CNIH2: variants seen among roughly 807,000 people sequenced by gnomAD.
CNIH2 encodes protein cornichon homolog 2.
A neutral mutation model predicts 22.9 loss-of-function variants in CNIH2; 8 were observed. That is an observed-to-expected ratio of 0.35 (90% CI 0.20 to 0.63). The LOEUF is 0.63. Among genes scored for constraint, CNIH2 ranks in the 30% least tolerant of loss-of-function variants. The pLI, the probability that CNIH2 is intolerant of heterozygous loss-of-function variation, is 0.72. For synonymous variants in CNIH2, 74 were observed against 78.2 expected, an observed-to-expected ratio of 0.95 and a Z score of 0.28; for missense variants, 105 against 206.2, an observed-to-expected ratio of 0.51 and a Z score of 3.01.
intron 1 of CNIH2, among the ~76,000 whole-genome samples, chr11:66,279,158 C>T (rs1446726295): frequency 5.3e-5 from 8 of 151,460 alleles, no homozygotes; most frequent in African/African-American, 1.9e-4. Context: ...CCCAGGTTTC[C>T]TCTCCATTTT....
chr11:66,283,229 A>G lies in CNIH2; in HGVS notation c.312-19A>G, dbSNP rs761174719. 3.1e-6 allele frequency: 5 copies of G among 1,613,696 alleles called. No individual in the cohort carries two copies. In the African/African-American group the frequency reaches 5.3e-5, roughly 17 times the overall value. On this transcript the variant is annotated intron_variant, in intron 4 of 5. Transcript: ENST00000311445. The stretch of plus-strand genomic sequence containing the variant: ...GTGGGAGTCCTGATGGCAGACACTC[A>G]GGCCCCTGTCTGCCCCAGGTACTTC...
At position 66,281,393 on chromosome 11, in the gene CNIH2, T is replaced by C. The variant is rs1232543316; in HGVS notation, c.82-866T>C. On this transcript the variant is annotated intron_variant, in intron 1 of 5. Transcript: ENST00000311445. ...AGTCATAAGGTTGTTAAGAATTAAATGAGTGAATCCACATACCGGCCAGGA... is the reference window on the plus strand; with the variant it reads ...AGTCATAAGGTTGTTAAGAATTAAACGAGTGAATCCACATACCGGCCAGGA... The C allele has an allele frequency of 6.6e-6, 3 of 456,290 alleles. No individual in the cohort carries two copies. The Admixed American group carries it at 7.0e-5, about 11-fold the overall frequency. 28.3% of individuals were successfully genotyped at this position (456,290 alleles called of 1,614,324 possible). A position where few individuals can be genotyped will look rare whatever the true frequency, so the allele number is the denominator to read the frequency against.
intron 1 of CNIH2, 51 bp from the exon 2 acceptor site, chr11:66,282,208 A>G (rs1365142083): frequency 1.3e-6 from 2 of 1,486,346 alleles, no homozygotes; most frequent in Non-Finnish European, 1.9e-6. Flanking sequence ...GACTTGGGGG[A>G]AGGCCATAAG....
At chr11:66,282,626 G>A in intron 2 of CNIH2, 107 bp from the exon 3 acceptor site, 3 of 1,347,738 alleles carry the variant, frequency 2.2e-6, no homozygotes, top group Non-Finnish European at 3.1e-6. Flanking sequence ...CGACAGTGCC[G>A]CAGAGATCGC....
intron 5 of CNIH2, 54 bp from the exon 6 acceptor site, chr11:66,283,516 A>G: frequency 6.2e-7 from 1 of 1,607,596 alleles, no homozygotes; most frequent in Non-Finnish European, 8.5e-7. Flanking sequence ...CCAGGTGGGC[A>G]TCTGGGTGGC....
intron 2 of CNIH2, 126 bp from the exon 3 acceptor site, chr11:66,282,607 C>T (rs531995102): frequency 3.5e-5 from 41 of 1,178,962 alleles, no homozygotes; most frequent in East Asian, 2.7e-4. Flanking sequence ...GGCTGCTTCC[C>T]GGCCGTGCCG....
Position 66,283,676 on chromosome 11 carries a change from GCCT to G in CNIH2, c.*81_*83del. ...CCAGCCCTGCCCCTTGGCCGCAGAG[GCCT>G]CAGCCCTGGGGAGGGAGGGGGCACT... On this transcript the variant is annotated 3_prime_UTR_variant, in exon 6 of 6. Transcript: ENST00000311445. The G allele has an allele frequency of 6.7e-7, 1 of 1,503,288 alleles. No homozygotes were observed. The highest frequency in any genetic ancestry group is 9.0e-7 in the Non-Finnish European group (1 of 1,108,874). The allele number at this position is 1,503,288 out of a possible 1,614,324, so 93.1% of individuals were successfully genotyped here.
Position 66,278,549 on chromosome 11 carries a change from C to A in CNIH2, c.81+12C>A, listed in dbSNP as rs1857199260. On this transcript the variant is annotated intron_variant, in intron 1 of 5. Transcript: ENST00000311445. ...TTGTCATCTGGCACGTAAGGCCGGG[C>A]TGGGGCTGGGGCTGGGGGCGGGGTG... 1 of 454,550 alleles carries A rather than the reference C, an allele frequency of 2.2e-6. No homozygotes were observed. The highest frequency in any genetic ancestry group is 2.3e-5 in the African/African-American group (1 of 42,856). The allele number at this position is 454,550 out of a possible 1,614,324, so 28.2% of individuals were successfully genotyped here. A position where few individuals can be genotyped will look rare whatever the true frequency, so the allele number is the denominator to read the frequency against.
At chr11:66,281,067 C>A (rs368526720) in intron 1 of CNIH2, among the ~76,000 whole-genome samples, 3 of 152,196 alleles carry the variant, frequency 2.0e-5, no homozygotes, top group Admixed American at 1.3e-4. Context: ...AGATTTCTGC[C>A]TTCACTTCTC....
At chr11:66,280,810 C>T (rs1311042112) in intron 1 of CNIH2, among the ~76,000 whole-genome samples, 3 of 152,094 alleles carry the variant, frequency 2.0e-5, no homozygotes, top group African/African-American at 2.4e-5. Context: ...CTCCAGGAAG[C>T]CCATGTTCTT....
At chr11:66,282,443 C>G in intron 2 of CNIH2, 116 bp downstream of exon 2, 1 of 1,150,302 alleles carries the variant, frequency 8.7e-7, no homozygotes, top group East Asian at 2.6e-5. Context: ...ACGGCCATGC[C>G]CCCTTCCTCT....
At position 66,283,211 on chromosome 11, in the gene CNIH2, TCCTGATGGCAGACACTCAGGC is replaced by T; in HGVS notation, c.312-34_312-14del. 1 of 1,612,990 alleles carries T rather than the reference TCCTGATGGCAGACACTCAGGC, an allele frequency of 6.2e-7. No homozygotes were observed. The highest frequency in any genetic ancestry group is 1.1e-5 in the South Asian group (1 of 91,042). ...AACAGGGGCAGGATGGGGGTGGGAG[TCCTGATGGCAGACACTCAGGC>T]CCCTGTCTGCCCCAGGTACTTCCAC... On this transcript the variant is annotated splice_polypyrimidine_tract_variant and intron_variant, in intron 4 of 5. Coordinates refer to ENST00000311445, the MANE Select transcript of CNIH2 (RefSeq NM_182553.3).
At position 66,283,748 on chromosome 11, in the gene CNIH2, A is replaced by C. The variant is rs1857301293; in HGVS notation, c.*151A>C. On this transcript the variant is annotated 3_prime_UTR_variant, in exon 6 of 6. Coordinates refer to ENST00000311445, the MANE Select transcript of CNIH2 (RefSeq NM_182553.3). ...AACCCCCAAACTGCTGCTGCGGGGA[A>C]CCCCCCCCACCCCGCCTTCAGAGCC... 18 of 746,568 alleles carry C rather than the reference A, an allele frequency of 2.4e-5. No homozygotes were observed. Among genetic ancestry groups the C allele is most frequent in the Admixed American group, 1.4e-4 (5 of 34,948 alleles). The allele number at this position is 746,568 out of a possible 1,614,324, so 46.2% of individuals were successfully genotyped here. A position where few individuals can be genotyped will look rare whatever the true frequency, so the allele number is the denominator to read the frequency against.
intron 2 of CNIH2, 96 bp downstream of exon 2, chr11:66,282,423 T>TGGGGGTTTGGGGGGGGGGGGGGG: frequency 1.4e-5 from 2 of 147,064 alleles, no homozygotes; most frequent in Non-Finnish European, 2.6e-5. Context: ...GGGGGTGGGG[T>TGGGGGTTTGGGGGGGGGGGGGGG]GGGGGGCCTA....
At chr11:66,280,689 G>T (rs535743626) in intron 1 of CNIH2, among the ~76,000 whole-genome samples, 1 of 152,160 alleles carries the variant, frequency 6.6e-6, no homozygotes, top group Non-Finnish European at 1.5e-5. Context: ...GGGTACAGAC[G>T]GCACCCTTCT....
chr11:66,278,508 G>A lies in CNIH2; in HGVS notation c.52G>A (p.Ala18Thr), dbSNP rs182162464. The change falls in exon 1 of 6, where the codon GCC becomes ACC. Residue 18 changes from alanine (A) to threonine (T), a missense_variant. Physicochemically the swap from Ala to Thr is moderately conservative, Grantham distance 58 (BLOSUM62 0). Coordinates refer to ENST00000311445, the MANE Select transcript of CNIH2 (RefSeq NM_182553.3). ...FCYMLTLVLC[A>T]SLIFFVIWHI... ...CTACATGCTCACCCTGGTGCTGTGC[G>A]CCTCCCTCATCTTCTTTGTCATCTG... is the stretch of plus-strand genomic sequence containing the variant. The A allele has an allele frequency of 4.0e-6, 6 of 1,514,158 alleles. No homozygotes were observed. The highest frequency in any genetic ancestry group is 1.9e-5 in the Admixed American group (1 of 53,420). The allele number at this position is 1,514,158 out of a possible 1,614,324, so 93.8% of individuals were successfully genotyped here.
Position 66,283,597 on chromosome 11 carries a change from A to AG in CNIH2, c.*5dup. 6.3e-7 allele frequency: 1 copy of AG among 1,575,138 alleles called. No homozygotes were observed. The highest frequency in any genetic ancestry group is 8.6e-7 in the Non-Finnish European group (1 of 1,159,476). On this transcript the variant is annotated 3_prime_UTR_variant, in exon 6 of 6. Transcript: ENST00000311445. ...TGGTTTATACGTTGGTGAGTTTCTA[A>AG]GGGGGAAGCCGGCCAGGGAGCGAGC... is the stretch of plus-strand genomic sequence containing the variant.
intron 2 of CNIH2, 108 bp from the exon 3 acceptor site, chr11:66,282,625 C>A: frequency 7.5e-7 from 1 of 1,341,166 alleles, no homozygotes; most frequent in Non-Finnish European, 1.1e-6. Context: ...CCGACAGTGC[C>A]GCAGAGATCG....
chr11:66,280,247 G>A (rs1857239309), intron 1 of CNIH2, among the ~76,000 whole-genome samples: 1 of 152,220 alleles, frequency 6.6e-6, no homozygotes, highest in Non-Finnish European at 1.5e-5. Context: ...TGGGAGGAAA[G>A]GCCCAAGCTT....
Sources: allele counts gnomAD v4.1 joint callset (sites outside exome capture counted in the v4.1 genomes callset), GRCh38; gene constraint gnomAD v4.1.1; transcripts MANE v1.5; gene names NCBI Gene and HGNC (gene_info 2026-07-23, HGNC 2026-07-21).